TRIM49B: variants seen among roughly 807,000 people sequenced by gnomAD.
TRIM49B encodes putative tripartite motif-containing protein 49B.
In TRIM49B, 18 loss-of-function variants were observed where a neutral mutation model predicts 31.8. That is an observed-to-expected ratio of 0.57 (90% CI 0.39 to 0.84). The LOEUF (loss-of-function observed/expected upper bound fraction) is 0.84, where lower values mean the gene tolerates loss of function less well. Among genes scored for constraint, TRIM49B ranks in the 40% least tolerant of loss-of-function variants. The probability of loss-of-function intolerance (pLI) is 0.00; values close to 1 mark genes in which losing one functional copy is unlikely to be tolerated. For synonymous variants in TRIM49B, 196 were observed against 180.6 expected, an observed-to-expected ratio of 1.09 and a Z score of -0.68; for missense variants, 494 against 538.7, an observed-to-expected ratio of 0.92 and a Z score of 0.82.
Position 49,031,724 on chromosome 11 carries a change from A to T in TRIM49B, c.125A>T (p.Asn42Ile). 6.2e-7 allele frequency: 1 copy of T among 1,613,962 alleles called. No homozygotes were observed. Among genetic ancestry groups the T allele is most frequent in the East Asian group, 2.2e-5 (1 of 44,872 alleles). Residue 42 changes from asparagine to isoleucine, a missense_variant, in exon 2 of 7, where the codon AAC becomes ATC. Around this residue, in one of 3 missense-constraint regions of TRIM49B, gnomAD observed 251 missense variants for 232.8 expected, o/e 1.08. Transcript: ENST00000332682. ...HSFCRPCFYL[N>I]WKDSPFLVQC... is the part of the protein sequence containing the mutation. ...TTTTGCAGGCCTTGTTTCTACCTCA[A>T]CTGGAAAGACAGCCCATTTCTTGTC...
At chr11:49,035,308 G>C (rs1257660654) in intron 5 of TRIM49B, among the ~76,000 whole-genome samples, 191 bp downstream of exon 5, 1 of 133,850 alleles carries the variant, frequency 7.5e-6, no homozygotes, top group Non-Finnish European at 1.6e-5. Flanking sequence ...AATAAAAGAA[G>C]AGTGAACTAA....
rs1854559703 is a variant in TRIM49B, at chr11:49,038,087, T to C, written c.*110T>C. 1 of 1,554,590 alleles carries C rather than the reference T, an allele frequency of 6.4e-7. No homozygotes were observed. On this transcript the variant is annotated 3_prime_UTR_variant, in exon 7 of 7. Transcript: ENST00000332682. ...GACAAATAGGCTCTATTTTATATCT[T>C]GAATTGCCTTCTAATGTTATCAAAA...
intron 3 of TRIM49B, among the ~76,000 whole-genome samples, chr11:49,033,174 A>G (rs1326387153): frequency 1.3e-5 from 2 of 152,210 alleles, no homozygotes; most frequent in African/African-American, 4.8e-5. Flanking sequence ...AAATCATACA[A>G]TCCAAATAAG....
At position 49,034,165 on chromosome 11, in the gene TRIM49B, T is replaced by C. The variant is rs757227718; in HGVS notation, c.527T>C (p.Leu176Pro). The change falls in exon 4 of 7, where the codon CTA (leucine) becomes CCA (proline). Residue 176 changes from leucine (L) to proline (P), a missense_variant. Physicochemically the swap from Leu to Pro is moderately conservative, Grantham distance 98. Transcript: ENST00000332682. Reference sequence around the variant, plus strand: ...CTGCAGGATTATGTGAATTTAAGGCTAGAAGCAATTAGAGCTGAGTATCAG... The same window carrying C: ...CTGCAGGATTATGTGAATTTAAGGCCAGAAGCAATTAGAGCTGAGTATCAG... ...RCWKDYVNLRLEAIRAEYQKM... is the reference protein window; with the variant it reads ...RCWKDYVNLRPEAIRAEYQKM... 3.7e-6 allele frequency: 6 copies of C among 1,611,772 alleles called. No individual in the cohort carries two copies. The highest frequency in any genetic ancestry group is 4.2e-6 in the Non-Finnish European group (5 of 1,179,796).
At position 49,033,833 on chromosome 11, in the gene TRIM49B, C is replaced by T. The variant is rs952647472; in HGVS notation, c.508-313C>T. Reference sequence around the variant, plus strand: ...CCTTTCTAGTAACTATAGCCCTATACTCCAACTCTTAAGCATGAACTCTTC... The same window carrying T: ...CCTTTCTAGTAACTATAGCCCTATATTCCAACTCTTAAGCATGAACTCTTC... On this transcript the variant is annotated intron_variant, in intron 3 of 6. Transcript: ENST00000332682. Among the ~76,000 whole-genome samples the T allele has an allele frequency of 4.6e-5, 7 of 152,328 alleles. 1 individual carries two copies. Among genetic ancestry groups the T allele is most frequent in the Admixed American group, 6.5e-5 (1 of 15,296 alleles).
chr11:49,031,723 A>C lies in TRIM49B; in HGVS notation c.124A>C (p.Asn42His), dbSNP rs528946655. 25 of 1,613,960 alleles carry C rather than the reference A, an allele frequency of 1.5e-5. No individual in the cohort carries two copies. The African/African-American group carries it at 3.2e-4, about 21-fold the overall frequency. The change falls in exon 2 of 7, where the codon AAC becomes CAC. Residue 42 changes from asparagine to histidine, a missense_variant. By Grantham distance (68) the Asn-to-His change is moderately conservative (BLOSUM62 1). Around this residue, in one of 3 missense-constraint regions of TRIM49B, gnomAD observed 251 missense variants for 232.8 expected, o/e 1.08. Coordinates refer to ENST00000332682, the MANE Select transcript of TRIM49B (RefSeq NM_001206626.2). Reference sequence around the variant, plus strand: ...CTTTTGCAGGCCTTGTTTCTACCTCAACTGGAAAGACAGCCCATTTCTTGT... The same window carrying C: ...CTTTTGCAGGCCTTGTTTCTACCTCCACTGGAAAGACAGCCCATTTCTTGT... The part of the protein sequence containing the change: ...HSFCRPCFYL[N>H]WKDSPFLVQC...
intron 6 of TRIM49B, among the ~76,000 whole-genome samples, chr11:49,037,179 A>G (rs1854541480): frequency 6.6e-6 from 1 of 152,232 alleles, no homozygotes; most frequent in African/African-American, 2.4e-5. Context: ...ATTTCTAAAT[A>G]ATGATCTTGA....
intron 5 of TRIM49B, 151 bp from the exon 6 acceptor site, chr11:49,036,150 T>A (rs1854527020): frequency 1.1e-5 from 16 of 1,451,698 alleles, no homozygotes; most frequent in African/African-American, 2.8e-5. Context: ...TTAGAAACTG[T>A]AAAGAATTAA....
At chr11:49,029,613 G>A (rs1379341851) in intron 1 of TRIM49B, among the ~76,000 whole-genome samples, 1 of 152,154 alleles carries the variant, frequency 6.6e-6, no homozygotes, top group Non-Finnish European at 1.5e-5. Flanking sequence ...ATTTTTCACT[G>A]CTTTCACTTA....
chr11:49,036,057 TA>T lies in TRIM49B; in HGVS notation c.762-242del, dbSNP rs1854525329. On this transcript the variant is annotated intron_variant, in intron 5 of 6. Coordinates refer to ENST00000332682, the MANE Select transcript of TRIM49B (RefSeq NM_001206626.2). Reference sequence around the variant, plus strand: ...CTAAATATTCTCAAGGCCATAAAGCTAAGGAACCTTACACATTTGGGGCAAA... The same window carrying T: ...CTAAATATTCTCAAGGCCATAAAGCTAGGAACCTTACACATTTGGGGCAAA... Among the ~76,000 whole-genome samples, 4 of 125,158 alleles carry T rather than the reference TA, an allele frequency of 3.2e-5. No homozygotes were observed. The South Asian group carries it at 9.8e-4, about 31-fold the overall frequency. 82.1% of individuals were successfully genotyped at this position (125,158 alleles called of 152,430 possible).
rs1203025359 is a variant in TRIM49B, at chr11:49,034,342, A to T, written c.704A>T (p.Glu235Val). Residue 235 changes from glutamate (E) to valine (V), a missense_variant, in exon 4 of 7, where the codon GAA (glutamate) becomes GTA (valine). By Grantham distance (121) the Glu-to-Val change is moderately radical. Coordinates refer to ENST00000332682, the MANE Select transcript of TRIM49B (RefSeq NM_001206626.2). Reference protein sequence around the residue: ...ILRGMYEELNEMCHKPDVELL... With the variant: ...ILRGMYEELNVMCHKPDVELL... ...AGAGGAATGTATGAGGAGCTGAACG[A>T]AATGTGCCATAAACCAGATGTGGAG... 1 of 1,612,020 alleles carries T rather than the reference A, an allele frequency of 6.2e-7. No homozygotes were observed.
rs1854555937 is a variant in TRIM49B, at chr11:49,037,945, C to T, written c.1327C>T (p.Leu443Phe). The change falls in exon 7 of 7, where the codon CTC becomes TTC. Residue 443 changes from leucine to phenylalanine, a missense_variant. Physicochemically the swap from Leu to Phe is conservative, Grantham distance 22. Around this residue, in one of 3 missense-constraint regions of TRIM49B, gnomAD observed 233 missense variants for 281.4 expected, o/e 0.83. Transcript: ENST00000332682. ...TIPNCSFSPP[L>F]RPIFCCIHF Reference sequence around the variant, plus strand: ...CCCTAATTGCTCTTTCTCACCTCCTCTCAGGCCTATCTTTTGCTGTATTCA... The same window carrying T: ...CCCTAATTGCTCTTTCTCACCTCCTTTCAGGCCTATCTTTTGCTGTATTCA... 1.9e-6 allele frequency: 3 copies of T among 1,612,680 alleles called. No homozygotes were observed. The highest frequency in any genetic ancestry group is 2.5e-6 in the Non-Finnish European group (3 of 1,179,464).
rs1426078972 is a variant in TRIM49B at position 49,028,914 on chromosome 11, G to A, written c.-66G>A. 1.3e-5 allele frequency: 2 copies of A among 157,666 alleles called. No individual in the cohort carries two copies. The highest frequency in any genetic ancestry group is 4.9e-5 in the African/African-American group (2 of 41,154). The allele number at this position is 157,666 out of a possible 1,614,324, so 9.8% of individuals were successfully genotyped here. A position where few individuals can be genotyped will look rare whatever the true frequency, so the allele number is the denominator to read the frequency against. ...GCAGTGAATGAGCTTCTGACGTTGA[G>A]GTGAACTTAACAAAATTATTTTTGG... On this transcript the variant is annotated 5_prime_UTR_variant, in exon 1 of 7. Transcript: ENST00000332682.
chr11:49,036,175 G>A, intron 5 of TRIM49B, 126 bp from the exon 6 acceptor site: 1 of 1,516,852 alleles, frequency 6.6e-7, no homozygotes, highest in Non-Finnish European at 8.9e-7. Context: ...CAAAAGGAAG[G>A]AATAATTTTT....
At position 49,038,094 on chromosome 11, in the gene TRIM49B, C is replaced by T. The variant is rs563513398; in HGVS notation, c.*117C>T. 2.1e-4 allele frequency: 320 copies of T among 1,544,340 alleles called. 2 individuals are homozygous for T. The East Asian group carries it at 6.7e-3, about 32-fold the overall frequency. On this transcript the variant is annotated 3_prime_UTR_variant, in exon 7 of 7. Coordinates refer to ENST00000332682, the MANE Select transcript of TRIM49B (RefSeq NM_001206626.2). Reference sequence around the variant, plus strand: ...AGGCTCTATTTTATATCTTGAATTGCCTTCTAATGTTATCAAAACTCATTT... The same window carrying T: ...AGGCTCTATTTTATATCTTGAATTGTCTTCTAATGTTATCAAAACTCATTT...
At chr11:49,032,216 C>A in intron 2 of TRIM49B, 60 bp from the exon 3 acceptor site, 1 of 1,612,064 alleles carries the variant, frequency 6.2e-7, no homozygotes, top group Non-Finnish European at 8.5e-7. Flanking sequence ...GTCTCTCATT[C>A]TGGGGCCCCT....
rs1226165572 is a variant in TRIM49B at position 49,032,267 on chromosome 11, C to T, written c.412-9C>T. On this transcript the variant is annotated splice_polypyrimidine_tract_variant and intron_variant, in intron 2 of 6. Coordinates refer to ENST00000332682, the MANE Select transcript of TRIM49B (RefSeq NM_001206626.2). ...TGCACTGGTGCTTCAATTTATGGCT[C>T]TTTTGCAGGAGAAGCTTTTACAGAA... The T allele has an allele frequency of 6.2e-7, 1 of 1,612,674 alleles. No homozygotes were observed. Among genetic ancestry groups the T allele is most frequent in the African/African-American group, 1.3e-5 (1 of 74,822 alleles).
In TRIM49B at chr11:49,031,733, A is replaced by G. The variant is rs763063092; in HGVS notation, c.134A>G (p.Asp45Gly). The change falls in exon 2 of 7, where the codon GAC (aspartate) becomes GGC (glycine). Residue 45 changes from aspartate to glycine, a missense_variant. By Grantham distance (94) the Asp-to-Gly change is moderately conservative. This residue lies in a region of TRIM49B where 251 missense variants were observed against 232.8 expected (regional missense o/e 1.08). Coordinates refer to ENST00000332682, the MANE Select transcript of TRIM49B (RefSeq NM_001206626.2). ...CRPCFYLNWK[D>G]SPFLVQCSEC... is the part of the protein sequence containing the mutation. ...CCTTGTTTCTACCTCAACTGGAAAG[A>G]CAGCCCATTTCTTGTCCAGTGCTCT... 2 of 1,613,994 alleles carry G rather than the reference A, an allele frequency of 1.2e-6. No individual in the cohort carries two copies. Among genetic ancestry groups the G allele is most frequent in the Non-Finnish European group, 1.7e-6 (2 of 1,179,868 alleles).
rs528288326 is a variant in TRIM49B, at chr11:49,032,315, G to T, written c.451G>T (p.Ala151Ser). The T allele has an allele frequency of 1.2e-5, 20 of 1,613,246 alleles. No individual in the cohort carries two copies. The highest frequency in any genetic ancestry group is 4.0e-5 in the African/African-American group (3 of 74,892). Residue 151 changes from alanine to serine, a missense_variant, in exon 3 of 7, where the codon GCT (alanine) becomes TCT (serine). Coordinates refer to ENST00000332682, the MANE Select transcript of TRIM49B (RefSeq NM_001206626.2). ...LQKMQSLWEK[A>S]CENHRNLNVE... The stretch of plus-strand genomic sequence containing the variant: ...GAAAATGCAGTCTTTGTGGGAAAAA[G>T]CTTGTGAAAATCACAGAAACCTGAA...
Sources: allele counts gnomAD v4.1 joint callset (sites outside exome capture counted in the v4.1 genomes callset), GRCh38; gene constraint gnomAD v4.1.1; regional missense constraint gnomAD v4.1.1; transcripts MANE v1.5; gene names NCBI Gene and HGNC (gene_info 2026-07-23, HGNC 2026-07-21).